Variants in CDH13 observed in about 807,000 individuals in gnomAD.
CDH13 encodes cadherin 13, also known as cadherin-13.
Under a neutral mutation model 63.8 loss-of-function variants are expected in CDH13, and 24 were observed. That is an observed-to-expected ratio of 0.38 (90% confidence interval 0.27 to 0.53). The LOEUF (loss-of-function observed/expected upper bound fraction) is 0.53, where lower values mean the gene tolerates loss of function less well. Among genes scored for constraint, CDH13 ranks in the 20% least tolerant of loss-of-function variants. The probability of loss-of-function intolerance (pLI) is 0.85; values close to 1 mark genes in which losing one functional copy is unlikely to be tolerated. For synonymous variants in CDH13, 503 were observed against 355.3 expected (o/e 1.42, Z -4.67); for missense variants, 1,049 against 903.1 (o/e 1.16, Z -2.07).
At chr16:83,052,801 A>AAAAAAAAAAAAAAAAAAAGAAAGAAAG (rs1555571697) in intron 3 of CDH13, among the ~76,000 whole-genome samples, 2 of 122,656 alleles carry the variant, frequency 1.6e-5, no homozygotes, top group African/African-American at 6.6e-5. Flanking sequence ...AAAAAAAAAA[A>AAAAAAAAAAAAAAAAAAAGAAAGAAAG]AAAGAAAGAA....
intron 2 of CDH13, among the ~76,000 whole-genome samples, chr16:82,954,975 G>A (rs1424488263): frequency 6.6e-6 from 1 of 152,130 alleles, no homozygotes; most frequent in East Asian, 1.9e-4. Flanking sequence ...TTCAGTCTTT[G>A]CATTGCCAAA....
At chr16:83,451,187 C>G (rs778706753) in intron 6 of CDH13, among the ~76,000 whole-genome samples, 22 of 152,280 alleles carry the variant, frequency 1.4e-4, no homozygotes, top group Non-Finnish European at 2.5e-4. Context: ...ATACCTGAGA[C>G]TGGGCAATTT....
chr16:82,846,478 G>T (rs2039261978), intron 1 of CDH13, among the ~76,000 whole-genome samples: 1 of 152,162 alleles, frequency 6.6e-6, no homozygotes, highest in Non-Finnish European at 1.5e-5. Flanking sequence ...CAACCAATGG[G>T]AGTAGACACA....
intron 3 of CDH13, among the ~76,000 whole-genome samples, chr16:83,069,265 G>T (rs973838958): frequency 6.6e-6 from 1 of 152,168 alleles, no homozygotes; most frequent in South Asian, 2.1e-4. Flanking sequence ...ACACCAATCA[G>T]TATTCATCCA....
chr16:83,214,538 C>G (rs936187928), intron 4 of CDH13, among the ~76,000 whole-genome samples: 1 of 125,358 alleles, frequency 8.0e-6, no homozygotes, highest in South Asian at 2.6e-4. Context: ...CGAAATTGCA[C>G]CACTGCATTC....
intron 1 of CDH13, among the ~76,000 whole-genome samples, chr16:82,780,636 T>G (rs1039668817): frequency 1.3e-5 from 2 of 152,260 alleles, no homozygotes; most frequent in African/African-American, 2.4e-5. Flanking sequence ...TTAGTTTAGC[T>G]CAAGGGAAGA....
chr16:83,182,488 C>T (rs2038376622), intron 4 of CDH13, among the ~76,000 whole-genome samples: 1 of 152,220 alleles, frequency 6.6e-6, no homozygotes, highest in East Asian at 1.9e-4. Flanking sequence ...TGTGTGTTCA[C>T]TTTATGATCT....
intron 5 of CDH13, among the ~76,000 whole-genome samples, chr16:83,304,615 G>A (rs1217785226): frequency 2.0e-5 from 3 of 152,134 alleles, no homozygotes; most frequent in African/African-American, 7.2e-5. Context: ...AAATAAATGA[G>A]TATTGTTTTA....
At chr16:83,177,427 C>T (rs371738831) in intron 4 of CDH13, among the ~76,000 whole-genome samples, 13 of 152,192 alleles carry the variant, frequency 8.5e-5, no homozygotes, top group African/African-American at 2.9e-4. Flanking sequence ...CAATCACTTT[C>T]CTCAAAGTTT....
intron 7 of CDH13, among the ~76,000 whole-genome samples, chr16:83,493,268 G>T (rs571534226): frequency 3.0e-4 from 46 of 152,318 alleles, no homozygotes; most frequent in Non-Finnish European, 6.6e-4. Context: ...TCTCCTACAG[G>T]ACGTACATTT....
chr16:82,986,993 A>G (rs1010797101), intron 2 of CDH13, among the ~76,000 whole-genome samples: 5 of 152,208 alleles, frequency 3.3e-5, no homozygotes, highest in African/African-American at 1.2e-4. Flanking sequence ...TCTTATCTTG[A>G]TGGAATTAGA....
chr16:83,376,945 C>T (rs371940880), intron 6 of CDH13, among the ~76,000 whole-genome samples: 9 of 152,074 alleles, frequency 5.9e-5, no homozygotes, highest in East Asian at 1.9e-4. Flanking sequence ...CTGGAGACTG[C>T]CCTGTGTGGA....
rs189065571 is a variant in CDH13 at position 83,752,918 on chromosome 16, A to G, written c.1681+4668A>G. 2.7e-4 allele frequency among the ~76,000 whole-genome samples: 41 copies of G among 152,288 alleles called. No homozygotes were observed. In the East Asian group the frequency reaches 6.4e-3, roughly 24 times the overall value. ...GGAATGATCCTTCCATGACCCAAGA[A>G]ATATACAGCTTGAAATCCACTTGTT... is the stretch of plus-strand genomic sequence containing the variant. On this transcript the variant is annotated intron_variant, in intron 11 of 13. Coordinates refer to ENST00000567109, the MANE Select transcript of CDH13 (RefSeq NM_001257.5).
chr16:82,932,310 T>C (rs2042523071), intron 2 of CDH13, among the ~76,000 whole-genome samples: 1 of 152,206 alleles, frequency 6.6e-6, no homozygotes, highest in Admixed American at 6.5e-5. Context: ...TTGTATTTGT[T>C]TGTTTGCTTT....
intron 5 of CDH13, among the ~76,000 whole-genome samples, chr16:83,253,861 T>C (rs538280140): frequency 1.5e-4 from 23 of 152,326 alleles, no homozygotes; most frequent in African/African-American, 5.1e-4. Context: ...AGTGGGGGCA[T>C]TCAGTACTTT....
intron 7 of CDH13, among the ~76,000 whole-genome samples, chr16:83,494,521 T>C (rs1294282815): frequency 6.6e-6 from 1 of 152,212 alleles, no homozygotes. Context: ...AGAAAAATGT[T>C]GCTCCTGCCA....
At chr16:83,392,013 G>T (rs528158378) in intron 6 of CDH13, among the ~76,000 whole-genome samples, 1 of 152,062 alleles carries the variant, frequency 6.6e-6, no homozygotes, top group African/African-American at 2.4e-5. Flanking sequence ...CATGCATCGC[G>T]GGGTGTCTAA....
chr16:83,620,943 T>C (rs546209549), intron 8 of CDH13, among the ~76,000 whole-genome samples: 2 of 152,310 alleles, frequency 1.3e-5, no homozygotes, highest in South Asian at 4.1e-4. Context: ...TGGGGCCCCA[T>C]GCTGTTAAGT....
chr16:83,090,844 T>C (rs1376849374), intron 3 of CDH13, among the ~76,000 whole-genome samples: 1 of 152,138 alleles, frequency 6.6e-6, no homozygotes, highest in Non-Finnish European at 1.5e-5. Context: ...ACATACGCTT[T>C]TTAAGCTGTG....
Sources: gnomAD v4.1 joint callset for allele counts (sites outside exome capture counted in the v4.1 genomes callset) on GRCh38, gnomAD v4.1.1 for gene constraint, MANE v1.5 for transcripts, NCBI Gene and HGNC (gene_info 2026-07-23, HGNC 2026-07-21) for gene names.